MTCL2: variants seen among roughly 807,000 people sequenced by gnomAD.
The protein encoded by MTCL2 is microtubule crosslinking factor 2.
At chr20:36,841,877 GTGTGTGTGTGT>G in the MTCL2 span, among the ~76,000 whole-genome samples, 18 of 71,710 alleles carry the variant, frequency 2.5e-4, no homozygotes, top group African/African-American at 7.9e-4. Flanking sequence ...GGGGTGGGGT[GTGTGTGTGTGT>G]GTGTGTGTGT....
the MTCL2 span, chr20:36,780,209 C>G: frequency 6.6e-6 from 1 of 151,078 alleles, no homozygotes; most frequent in Non-Finnish European, 1.5e-5. Context: ...CACAAAAGGA[C>G]AAATACTATA....
the MTCL2 span, among the ~76,000 whole-genome samples, chr20:36,820,936 G>A: frequency 6.6e-6 from 1 of 152,236 alleles, no homozygotes; most frequent in Non-Finnish European, 1.5e-5. Flanking sequence ...CTGATGCTGG[G>A]TCAGGCTGAG....
chr20:36,830,639 T>C, the MTCL2 span, among the ~76,000 whole-genome samples: 1 of 152,178 alleles, frequency 6.6e-6, no homozygotes, highest in Non-Finnish European at 1.5e-5. Context: ...CCAGAGAAGA[T>C]GGGCCCTAGA....
chr20:36,845,595 T>C, the MTCL2 span, among the ~76,000 whole-genome samples: 1 of 152,146 alleles, frequency 6.6e-6, no homozygotes, highest in East Asian at 1.9e-4. Context: ...TGCAGGGACG[T>C]GGGCGGGAGA....
the MTCL2 span, among the ~76,000 whole-genome samples, chr20:36,841,038 A>T: frequency 4.0e-5 from 6 of 151,326 alleles, no homozygotes; most frequent in Admixed American, 2.6e-4. Flanking sequence ...GGCTGGGCGC[A>T]GTGGCTCGCA....
the MTCL2 span, among the ~76,000 whole-genome samples, chr20:36,826,003 CTTTTCT>C: frequency 0.012 from 56 of 4,704 alleles, no homozygotes; most frequent in South Asian, 0.083. Flanking sequence ...CAAATACTTT[CTTTTCT>C]TTTTTTTTTT....
the MTCL2 span, chr20:36,859,965 A>G: frequency 6.6e-6 from 8 of 1,206,742 alleles, no homozygotes; most frequent in Admixed American, 3.0e-4. Flanking sequence ...TCTGTGGAAT[A>G]AACAACACAA....
chr20:36,820,841 CAAA>C, the MTCL2 span, among the ~76,000 whole-genome samples: 1 of 135,134 alleles, frequency 7.4e-6, no homozygotes, highest in Admixed American at 7.5e-5. Context: ...GACTCTGTCT[CAAA>C]AAAAAAAAAG....
the MTCL2 span, among the ~76,000 whole-genome samples, chr20:36,786,948 C>T: frequency 2.0e-5 from 3 of 152,160 alleles, no homozygotes; most frequent in Middle Eastern, 3.2e-3. Context: ...CTGTAAAACA[C>T]GAACACTTTT....
the MTCL2 span, chr20:36,786,744 C>G: frequency 1.8e-6 from 2 of 1,107,986 alleles, no homozygotes; most frequent in African/African-American, 1.6e-5. Flanking sequence ...CGGCCATAAA[C>G]CAGTTCCCAG....
the MTCL2 span, among the ~76,000 whole-genome samples, chr20:36,850,383 C>T: frequency 2.0e-5 from 3 of 152,164 alleles, no homozygotes; most frequent in Non-Finnish European, 2.9e-5. Flanking sequence ...AAAAATTAGC[C>T]GGGCGTGGTG....
chr20:36,841,537 G>C, the MTCL2 span, among the ~76,000 whole-genome samples: 1 of 152,078 alleles, frequency 6.6e-6, no homozygotes, highest in Non-Finnish European at 1.5e-5. Context: ...CAGGCAGAGG[G>C]AACAGTGTGT....
the MTCL2 span, chr20:36,839,304 C>G: frequency 6.2e-7 from 1 of 1,612,756 alleles, no homozygotes; most frequent in Non-Finnish European, 8.5e-7. The surrounding 1 kb of genome is among the most constrained non-coding windows in gnomAD (Gnocchi z 5.1). Context: ...CGGCTTTGCG[C>G]AGCCGGTACT....
chr20:36,824,999 A>G, the MTCL2 span, among the ~76,000 whole-genome samples: 1 of 148,612 alleles, frequency 6.7e-6, no homozygotes. Flanking sequence ...GAGTGCAATG[A>G]TGGGATGTCG....
the MTCL2 span, chr20:36,817,485 AT>A: frequency 2.6e-6 from 4 of 1,512,578 alleles, no homozygotes; most frequent in Admixed American, 2.3e-5. Flanking sequence ...GTGAGATTTA[AT>A]TAAAAAAAAA....
the MTCL2 span, among the ~76,000 whole-genome samples, chr20:36,823,426 T>C: frequency 6.6e-6 from 1 of 152,182 alleles, no homozygotes; most frequent in East Asian, 1.9e-4. Flanking sequence ...AAATAATAAG[T>C]CCTTAGTCTG....
chr20:36,816,282 T>C, the MTCL2 span: 1 of 1,596,360 alleles, frequency 6.3e-7, no homozygotes, highest in Non-Finnish European at 8.5e-7. Context: ...AAAGTGCAAC[T>C]GGCACTTCAG....
At chr20:36,861,209 G>A in the MTCL2 span, among the ~76,000 whole-genome samples, 3 of 152,114 alleles carry the variant, frequency 2.0e-5, no homozygotes, top group Non-Finnish European at 4.4e-5. Flanking sequence ...CCCTTGTCCT[G>A]GCTCGTCACC....
the MTCL2 span, among the ~76,000 whole-genome samples, chr20:36,820,577 C>T: frequency 6.6e-6 from 1 of 152,186 alleles, no homozygotes; most frequent in African/African-American, 2.4e-5. Context: ...TGTGGTGGCT[C>T]ATGCCTGTAA....
Sources: gnomAD v4.1 joint callset for allele counts (sites outside exome capture counted in the v4.1 genomes callset) on GRCh38, gnomAD v4.1.1 for gene constraint, Gnocchi (gnomAD v3.1) non-coding constraint, MANE v1.5 for transcripts, NCBI Gene and HGNC (gene_info 2026-07-23, HGNC 2026-07-21) for gene names.